Variants in ELF5 observed in about 807,000 individuals in gnomAD.
The protein encoded by ELF5 is E74 like ETS transcription factor 5, also known as ETS-related transcription factor Elf-5.
A neutral mutation model predicts 38.2 loss-of-function variants in ELF5; 31 were observed. That is an observed-to-expected ratio of 0.81 (90% CI 0.61 to 1.10). The LOEUF is 1.10. ELF5 is among the 50% of genes least tolerant of loss of function. The pLI is 0.00. For synonymous variants in ELF5, 121 were observed against 112.5 expected (o/e 1.08, Z -0.48); for missense variants, 300 against 306.6 (o/e 0.98, Z 0.16).
intron 2 of ELF5, 149 bp from the exon 3 acceptor site, chr11:34,493,861 G>A (rs1350996868): frequency 3.0e-6 from 2 of 658,470 alleles, no homozygotes; most frequent in Non-Finnish European, 5.2e-6. Flanking sequence ...CAGAGCCCAG[G>A]TCACCTTCTA....
rs1337264006 is a variant in ELF5, at chr11:34,479,193, T to G, written c.*1025A>C. 2 of 152,668 alleles carry G rather than the reference T, an allele frequency of 1.3e-5. No homozygotes were observed. Among genetic ancestry groups the G allele is most frequent in the African/African-American group, 4.8e-5 (2 of 41,456 alleles). The allele number at this position is 152,668 out of a possible 1,614,324, so 9.5% of individuals were successfully genotyped here. A position where few individuals can be genotyped will look rare whatever the true frequency, so the allele number is the denominator to read the frequency against. ...AAACAAAAAAGACACACAATTTAAT[T>G]TGCCATTACAGAGTTGTTAGGACAT... is the stretch of plus-strand genomic sequence containing the variant. On this transcript the variant is annotated 3_prime_UTR_variant, in exon 7 of 7. Coordinates refer to ENST00000257832, the MANE Select transcript of ELF5 (RefSeq NM_001422.4).
chr11:34,495,659 C>G (rs866254141), intron 2 of ELF5, among the ~76,000 whole-genome samples: 2 of 152,140 alleles, frequency 1.3e-5, no homozygotes, highest in African/African-American at 2.4e-5. Context: ...AAGATCAAAG[C>G]GTCAATATTG....
At chr11:34,498,699 T>A (rs1850377420) in intron 2 of ELF5, among the ~76,000 whole-genome samples, 1 of 152,208 alleles carries the variant, frequency 6.6e-6, no homozygotes, top group Non-Finnish European at 1.5e-5. Flanking sequence ...TCATTATGCA[T>A]CTTCAAGAGA....
Position 34,479,224 on chromosome 11 carries a change from G to A in ELF5, c.*994C>T, listed in dbSNP as rs1856868157. 1 of 152,638 alleles carries A rather than the reference G, an allele frequency of 6.6e-6. No individual in the cohort carries two copies. Among genetic ancestry groups the A allele is most frequent in the Admixed American group, 6.5e-5 (1 of 15,274 alleles). 9.5% of individuals were successfully genotyped at this position (152,638 alleles called of 1,614,324 possible). A position where few individuals can be genotyped will look rare whatever the true frequency, so the allele number is the denominator to read the frequency against. ...TTACAGAGTTGTTAGGACATTTCCG[G>A]TTTTATAAACGTTTAACATCTGGAC... On this transcript the variant is annotated 3_prime_UTR_variant, in exon 7 of 7. Coordinates refer to ENST00000257832, the MANE Select transcript of ELF5 (RefSeq NM_001422.4).
intron 2 of ELF5, among the ~76,000 whole-genome samples, chr11:34,498,110 C>T (rs1220592042): frequency 1.3e-5 from 2 of 152,174 alleles, no homozygotes; most frequent in Admixed American, 6.5e-5. Context: ...TGAAAGGGCA[C>T]ATGGTCTCTC....
intron 1 of ELF5, among the ~76,000 whole-genome samples, chr11:34,509,917 C>G (rs1850710793): frequency 6.6e-6 from 1 of 151,810 alleles, no homozygotes; most frequent in African/African-American, 2.4e-5. Flanking sequence ...AGGAATCCAT[C>G]AAATACAAAA....
chr11:34,480,080 T>G lies in ELF5; in HGVS notation c.*138A>C. On this transcript the variant is annotated 3_prime_UTR_variant, in exon 7 of 7. Transcript: ENST00000257832. Reference sequence around the variant, plus strand: ...AACAACTCTGAATCCAAATGTAAGCTGAGATGTGGAGAAATTTTATCAGCA... The same window carrying G: ...AACAACTCTGAATCCAAATGTAAGCGGAGATGTGGAGAAATTTTATCAGCA... 3 of 689,410 alleles carry G rather than the reference T, an allele frequency of 4.4e-6. No individual in the cohort carries two copies. Among genetic ancestry groups the G allele is most frequent in the Non-Finnish European group, 7.3e-6 (3 of 410,252 alleles). The allele number at this position is 689,410 out of a possible 1,614,324, so 42.7% of individuals were successfully genotyped here.
intron 2 of ELF5, among the ~76,000 whole-genome samples, chr11:34,495,898 A>AG (rs1401209245): frequency 6.6e-6 from 1 of 152,182 alleles, no homozygotes; most frequent in Non-Finnish European, 1.5e-5. Context: ...AGTAAACCTG[A>AG]GGGGCCTTTT....
At chr11:34,506,911 T>A (rs1241347746) in intron 1 of ELF5, among the ~76,000 whole-genome samples, 1 of 152,234 alleles carries the variant, frequency 6.6e-6, no homozygotes. Context: ...AGGAAGTGTG[T>A]GTGTACGTGT....
intron 1 of ELF5, 140 bp from the exon 2 acceptor site, chr11:34,505,893 A>G: frequency 9.8e-7 from 1 of 1,023,868 alleles, no homozygotes; most frequent in Non-Finnish European, 1.4e-6. Flanking sequence ...GGCACCGCCT[A>G]GTGTCACCTA....
At position 34,480,191 on chromosome 11, in the gene ELF5, T is replaced by TA; in HGVS notation, c.*26dup. 1 of 1,586,698 alleles carries TA rather than the reference T, an allele frequency of 6.3e-7. No homozygotes were observed. The highest frequency in any genetic ancestry group is 8.6e-7 in the Non-Finnish European group (1 of 1,157,284). On this transcript the variant is annotated 3_prime_UTR_variant, in exon 7 of 7. Coordinates refer to ENST00000257832, the MANE Select transcript of ELF5 (RefSeq NM_001422.4). ...GATTGTTTTAAAAGACAGAAATCCA[T>TA]AAAATGAGCTTGATGCCTGGAGCAG...
chr11:34,489,141 G>A (rs1850092181), intron 4 of ELF5, among the ~76,000 whole-genome samples: 2 of 152,236 alleles, frequency 1.3e-5, no homozygotes, highest in South Asian at 4.1e-4. Context: ...GGCCATTCCT[G>A]TGCTAAAGCA....
chr11:34,483,384 G>A (rs1284645907), intron 4 of ELF5, among the ~76,000 whole-genome samples: 2 of 151,910 alleles, frequency 1.3e-5, no homozygotes, highest in African/African-American at 4.8e-5. Flanking sequence ...AGGGATTTGT[G>A]TTTCCCAACA....
chr11:34,504,000 C>T lies in ELF5; in HGVS notation c.121+1629G>A, dbSNP rs531099240. ...GACACAGAGCCGCTGCTTCACTGCC[C>T]AGGCCATTGCCTGGGGCAGCTGGTT... On this transcript the variant is annotated intron_variant, in intron 2 of 6. Transcript: ENST00000257832. Among the ~76,000 whole-genome samples the T allele has an allele frequency of 8.5e-5, 13 of 152,292 alleles. No homozygotes were observed. The East Asian group carries it at 1.4e-3, about 16-fold the overall frequency.
intron 2 of ELF5, among the ~76,000 whole-genome samples, chr11:34,497,677 C>G (rs7126243): frequency 6.6e-6 from 1 of 152,050 alleles, no homozygotes; most frequent in African/African-American, 2.4e-5. Flanking sequence ...AATGGCTACC[C>G]GACCCCTTGC....
intron 2 of ELF5, among the ~76,000 whole-genome samples, chr11:34,495,088 A>G (rs1329719436): frequency 1.3e-5 from 2 of 152,214 alleles, no homozygotes; most frequent in East Asian, 3.9e-4. Context: ...CGTGTGGCAG[A>G]GCTGGATTTG....
At position 34,480,796 on chromosome 11, in the gene ELF5, T is replaced by C; in HGVS notation, c.647A>G (p.Tyr216Cys). ...CCTCAGGGCTCTGCTCAACTTTTCA[T>C]ATGTCATTCTGTCATTTTTCTTCCT... ...GQRKKNDRMT[Y>C]EKLSRALRYY... Residue 216 changes from tyrosine to cysteine, a missense_variant, in exon 6 of 7, where the codon TAT becomes TGT. Tyr to Cys is a radical substitution (Grantham distance 194, BLOSUM62 -2). Coordinates refer to ENST00000257832, the MANE Select transcript of ELF5 (RefSeq NM_001422.4). 6.2e-7 allele frequency: 1 copy of C among 1,614,146 alleles called. No individual in the cohort carries two copies. Among genetic ancestry groups the C allele is most frequent in the Non-Finnish European group, 8.5e-7 (1 of 1,180,020 alleles).
At chr11:34,505,974 G>C (rs1384154004) in intron 1 of ELF5, among the ~76,000 whole-genome samples, 1 of 152,170 alleles carries the variant, frequency 6.6e-6, no homozygotes, top group Non-Finnish European at 1.5e-5. Flanking sequence ...GAGGCAAAAG[G>C]GTTGAGACAA....
chr11:34,504,982 A>G (rs560891491), intron 2 of ELF5, among the ~76,000 whole-genome samples: 95 of 152,242 alleles, frequency 6.2e-4, no homozygotes, highest in Non-Finnish European at 1.1e-3. Context: ...AGTAGCTCTC[A>G]TCACCCCTGG....
Sources: allele counts gnomAD v4.1 joint callset (sites outside exome capture counted in the v4.1 genomes callset), GRCh38; gene constraint gnomAD v4.1.1; transcripts MANE v1.5; gene names NCBI Gene and HGNC (gene_info 2026-07-23, HGNC 2026-07-21).